TTC19: variants seen among roughly 807,000 people sequenced by gnomAD.
TTC19 encodes tetratricopeptide repeat protein 19, mitochondrial.
A neutral mutation model predicts 49.5 loss-of-function variants in TTC19; 38 were observed. That is an observed-to-expected ratio of 0.77 (90% CI 0.59 to 1.01). TTC19 has a LOEUF of 1.01. Among genes scored for constraint, TTC19 ranks in the 50% least tolerant of loss-of-function variants. The pLI is 0.00. For missense variants in TTC19, 475 were observed against 477.7 expected (o/e 0.99, Z 0.05); for synonymous variants, 204 against 185.2 (o/e 1.10, Z -0.83).
chr17:16,001,279 A>G (rs1970721355), intron 2 of TTC19, among the ~76,000 whole-genome samples: 1 of 152,198 alleles, frequency 6.6e-6, no homozygotes, highest in African/African-American at 2.4e-5. Flanking sequence ...AAACCAGCAT[A>G]TACCTTGCCC....
chr17:16,033,431 A>G (rs373127332), downstream of TTC19, among the ~76,000 whole-genome samples: 3 of 152,088 alleles, frequency 2.0e-5, no homozygotes, highest in African/African-American at 7.2e-5. Flanking sequence ...TCCCTAAGAG[A>G]TCTGAGAAGC....
intron 7 of TTC19, among the ~76,000 whole-genome samples, chr17:16,016,706 C>T (rs950672166): frequency 5.9e-5 from 9 of 151,836 alleles, no homozygotes; most frequent in African/African-American, 2.2e-4. Flanking sequence ...TACAGGTGTG[C>T]ACCACTGCAT....
chr17:16,029,650 C>G (rs188054798), downstream of TTC19: 30 of 169,134 alleles, frequency 1.8e-4, no homozygotes, highest in East Asian at 3.3e-3. Flanking sequence ...TTTTGGTTTG[C>G]AGTGAACCAC....
intron 2 of TTC19, chr17:16,040,610 T>G (rs2057376223): frequency 1.1e-6 from 1 of 905,892 alleles, no homozygotes. Flanking sequence ...GATCTCAACC[T>G]TTATTTCTCA....
intron 2 of TTC19, chr17:16,040,201 T>G: frequency 1.6e-6 from 1 of 617,452 alleles, no homozygotes; most frequent in South Asian, 1.5e-5. Context: ...TTCCCTAGTT[T>G]TGACAGTGTT....
chr17:16,017,562 C>A (rs182297734), intron 7 of TTC19, among the ~76,000 whole-genome samples: 3 of 151,444 alleles, frequency 2.0e-5, no homozygotes, highest in South Asian at 4.2e-4. Flanking sequence ...GAGTTCAAGA[C>A]CAGCCTGGCC....
At position 16,029,399 on chromosome 17, in the gene TTC19, A is replaced by G. The variant is rs985728933; in HGVS notation, c.*1877A>G. 9 of 343,840 alleles carry G rather than the reference A, an allele frequency of 2.6e-5. 2 individuals are homozygous for G. The highest frequency in any genetic ancestry group is 1.9e-4 in the African/African-American group (9 of 46,452). The allele number at this position is 343,840 out of a possible 1,614,324, so 21.3% of individuals were successfully genotyped here. On this transcript the variant is annotated 3_prime_UTR_variant, in exon 10 of 10. Coordinates refer to ENST00000261647, the MANE Select transcript of TTC19 (RefSeq NM_017775.4). ...AAAATCGTGTCATTAAAATTTTTTA[A>G]CTGTCCAATGGTCACTGGAGTTTTC...
At chr17:16,002,057 G>A (rs1970753205) in intron 3 of TTC19, 32 bp downstream of exon 3, 1 of 1,469,292 alleles carries the variant, frequency 6.8e-7, no homozygotes, top group Non-Finnish European at 9.5e-7. Flanking sequence ...AACCACTGAT[G>A]AGGAAGGTTG....
chr17:16,008,890 TTTC>T (rs1434974231), intron 7 of TTC19, among the ~76,000 whole-genome samples: 1 of 152,206 alleles, frequency 6.6e-6, no homozygotes, highest in East Asian at 1.9e-4. Context: ...TTCCTTTACT[TTTC>T]TTCATCACAC....
chr17:16,033,143 C>T (rs890744329), downstream of TTC19, among the ~76,000 whole-genome samples: 1 of 152,042 alleles, frequency 6.6e-6, no homozygotes, highest in African/African-American at 2.4e-5. Context: ...GTCGGGAGTT[C>T]AAGACCAGCC....
intron 2 of TTC19, among the ~76,000 whole-genome samples, chr17:16,038,586 GC>G (rs1237368700): frequency 1.3e-5 from 2 of 151,950 alleles, no homozygotes; most frequent in Non-Finnish European, 2.9e-5. Flanking sequence ...TACAGCGTGA[GC>G]CACCACACCC....
At position 16,023,007 on chromosome 17, in the gene TTC19, T is replaced by C. The variant is rs185925369; in HGVS notation, c.677-2010T>C. ...GTCTAACTTTTAGCAATTTTTATAT[T>C]AATATTTCAAAGAACCATGTTTAAG... On this transcript the variant is annotated intron_variant, in intron 7 of 9. Transcript: ENST00000261647. 5.3e-5 allele frequency among the ~76,000 whole-genome samples: 8 copies of C among 152,320 alleles called. No individual in the cohort carries two copies. The East Asian group carries it at 1.5e-3, about 29-fold the overall frequency.
At position 16,028,971 on chromosome 17, in the gene TTC19, T is replaced by C; in HGVS notation, c.*1449T>C. 1 of 426,748 alleles carries C rather than the reference T, an allele frequency of 2.3e-6. No homozygotes were observed. The highest frequency in any genetic ancestry group is 4.6e-6 in the Non-Finnish European group (1 of 219,022). The allele number at this position is 426,748 out of a possible 1,614,324, so 26.4% of individuals were successfully genotyped here. On this transcript the variant is annotated 3_prime_UTR_variant, in exon 10 of 10. Transcript: ENST00000261647. ...CTATTTTCTGTCTAATCTCATATTATTTACCATGCAGCTAATGCCGTTTAC... is the reference window on the plus strand; with the variant it reads ...CTATTTTCTGTCTAATCTCATATTACTTACCATGCAGCTAATGCCGTTTAC...
chr17:16,030,545 T>C (rs1224667273), downstream of TTC19: 3 of 190,178 alleles, frequency 1.6e-5, no homozygotes, highest in African/African-American at 7.0e-5. Flanking sequence ...AGTCACTGTT[T>C]TTCATTCATT....
At chr17:16,025,870 T>C (rs1971538856) in intron 8 of TTC19, among the ~76,000 whole-genome samples, 1 of 152,192 alleles carries the variant, frequency 6.6e-6, no homozygotes, top group African/African-American at 2.4e-5. Context: ...GGTTGAGCTA[T>C]GAATTATCTC....
intron 6 of TTC19, among the ~76,000 whole-genome samples, chr17:16,006,216 C>T (rs1221651255): frequency 6.6e-6 from 1 of 152,152 alleles, no homozygotes; most frequent in Non-Finnish European, 1.5e-5. Context: ...TCCAGACCAG[C>T]CTGGCCAACA....
At chr17:16,041,822 T>C (rs113106633) in intron 2 of TTC19, among the ~76,000 whole-genome samples, 9,155 of 152,114 alleles carry the variant, frequency 0.06, 826 homozygotes, top group African/African-American at 0.2. Flanking sequence ...CTGCAAGCTC[T>C]GCCTCCCAGG....
intron 2 of TTC19, chr17:16,034,919 G>C (rs200657133): frequency 1.5e-4 from 237 of 1,613,946 alleles, no homozygotes; most frequent in Non-Finnish European, 1.9e-4. Flanking sequence ...TTGACTTGCT[G>C]ATCAGCTTTG....
In TTC19 at chr17:16,003,905, T is replaced by C; in HGVS notation, c.519+18T>C. ...TGAAGCAGGTAAGGACATTGCCTAG[T>C]ATTGGCCCCTCACTGAAGCAGTTTT... is the stretch of plus-strand genomic sequence containing the variant. On this transcript the variant is annotated intron_variant, in intron 5 of 9. Transcript: ENST00000261647. 1 of 1,612,694 alleles carries C rather than the reference T, an allele frequency of 6.2e-7. No homozygotes were observed.
Sources: gnomAD v4.1 joint callset for allele counts (sites outside exome capture counted in the v4.1 genomes callset) on GRCh38, gnomAD v4.1.1 for gene constraint, MANE v1.5 for transcripts, NCBI Gene and HGNC (gene_info 2026-07-23, HGNC 2026-07-21) for gene names.